ANO4: variants seen among roughly 807,000 people sequenced by gnomAD.
ANO4 encodes the protein anoctamin 4, also known as anoctamin-4.
ANO4 carries 69 observed loss-of-function variants against 141.9 expected under a neutral mutation model. The ratio of observed to expected loss-of-function variants is 0.49; its 90% confidence interval spans 0.40 to 0.59. The LOEUF is 0.59. Ranked by LOEUF, ANO4 falls within the 20% of genes least tolerant of loss-of-function variation. The pLI is 0.00. For missense variants in ANO4, 894 were observed against 1,162.2 expected (o/e 0.77, Z 3.36); for synonymous variants, 350 against 394.3 (o/e 0.89, Z 1.33).
At chr12:101,121,775 T>TA (rs2051105669) in intron 26 of ANO4, among the ~76,000 whole-genome samples, 1 of 147,030 alleles carries the variant, frequency 6.8e-6, no homozygotes, top group Non-Finnish European at 1.5e-5. Flanking sequence ...TTTTTTTTTT[T>TA]TTTTTAAGAC....
At chr12:101,052,417 G>C (rs1566179450) in intron 14 of ANO4, among the ~76,000 whole-genome samples, 1 of 152,166 alleles carries the variant, frequency 6.6e-6, no homozygotes, top group Non-Finnish European at 1.5e-5. Flanking sequence ...ACTAGATGTT[G>C]GCAGAGACCT....
intron 15 of ANO4, among the ~76,000 whole-genome samples, chr12:101,080,732 C>T (rs562043950): frequency 6.6e-6 from 1 of 151,710 alleles, no homozygotes; most frequent in South Asian, 2.1e-4. Context: ...GAGGCTGAGG[C>T]ACAAGAATTG....
intron 2 of ANO4, among the ~76,000 whole-genome samples, chr12:100,911,311 C>T (rs1000707460): frequency 1.3e-5 from 2 of 152,138 alleles, no homozygotes; most frequent in Admixed American, 1.3e-4. Flanking sequence ...TTCTTATTCT[C>T]TTATTTAATG....
intron 1 of ANO4, among the ~76,000 whole-genome samples, chr12:100,821,126 A>G (rs377400147): frequency 2.6e-5 from 4 of 152,136 alleles, no homozygotes; most frequent in South Asian, 2.1e-4. Context: ...CCTGGAGGTA[A>G]TTTTCACTGG....
chr12:100,744,710 C>A (rs572098900), intron 3 of ANO4, among the ~76,000 whole-genome samples: 131 of 152,308 alleles, frequency 8.6e-4, no homozygotes, highest in African/African-American at 3.1e-3. Flanking sequence ...AGCCAGCTGG[C>A]TAACTTATTA....
At chr12:101,037,553 A>T (rs2047248065) in intron 10 of ANO4, among the ~76,000 whole-genome samples, 1 of 152,218 alleles carries the variant, frequency 6.6e-6, no homozygotes, top group African/African-American at 2.4e-5. Flanking sequence ...CATCTTGAAA[A>T]GTCTCTGGTA....
intron 3 of ANO4, among the ~76,000 whole-genome samples, chr12:100,743,290 A>G (rs914295242): frequency 6.6e-6 from 1 of 150,824 alleles, no homozygotes; most frequent in African/African-American, 2.4e-5. Flanking sequence ...TATCTAAAAT[A>G]TTAGTACAAA....
rs368069375 is a variant in ANO4, at chr12:101,110,482, T to C, written c.2228T>C (p.Ile743Thr). 9 of 1,612,240 alleles carry C rather than the reference T, an allele frequency of 5.6e-6. No homozygotes were observed. In the South Asian group the frequency reaches 9.9e-5, roughly 18 times the overall value. Residue 743 changes from isoleucine (I) to threonine (T), a missense_variant, in exon 23 of 28, where the codon ATT (isoleucine) becomes ACT (threonine). Ile to Thr is a moderately conservative substitution (Grantham distance 89, BLOSUM62 -1). Transcript: ENST00000392977. ...APLLALLNNI[I>T]EIRLDAYKFV... ...CTTCTGGCCTTACTGAATAACATAA[T>C]TGAAATTCGACTTGATGCTTACAAA...
intron 1 of ANO4, among the ~76,000 whole-genome samples, chr12:100,819,339 T>C (rs1237193991): frequency 6.6e-6 from 1 of 151,852 alleles, no homozygotes; most frequent in Non-Finnish European, 1.5e-5. Context: ...GTCAGGTAGA[T>C]AGGTACCAGC....
intron 8 of ANO4, among the ~76,000 whole-genome samples, chr12:100,991,490 G>A (rs2045100621): frequency 7.0e-6 from 1 of 142,340 alleles, no homozygotes; most frequent in African/African-American, 2.7e-5. Flanking sequence ...AGGGGGTGAG[G>A]TGGGAGGAGG....
chr12:101,072,836 CTCA>C (rs2048870549), intron 14 of ANO4, among the ~76,000 whole-genome samples: 2 of 152,126 alleles, frequency 1.3e-5, no homozygotes, highest in Non-Finnish European at 2.9e-5. Context: ...TGAAGAAATG[CTCA>C]TCATCACTGG....
chr12:101,003,725 A>G (rs554889282), intron 8 of ANO4, among the ~76,000 whole-genome samples: 1 of 152,270 alleles, frequency 6.6e-6, no homozygotes, highest in South Asian at 2.1e-4. Context: ...GTATAGTAGG[A>G]TGACTAGAAT....
intron 14 of ANO4, among the ~76,000 whole-genome samples, chr12:101,072,788 A>T (rs1295043215): frequency 1.3e-5 from 2 of 152,156 alleles, no homozygotes; most frequent in East Asian, 3.8e-4. Flanking sequence ...ATGAATAGAC[A>T]CTCTCAAAAG....
At chr12:101,093,905 A>T (rs1484647784) in intron 17 of ANO4, among the ~76,000 whole-genome samples, 6 of 152,178 alleles carry the variant, frequency 3.9e-5, no homozygotes, top group Admixed American at 1.3e-4. Context: ...TACGTTCAAG[A>T]TGCAGAGGTT....
intron 3 of ANO4, among the ~76,000 whole-genome samples, chr12:100,745,420 G>T (rs1019188742): frequency 1.3e-5 from 2 of 152,066 alleles, no homozygotes; most frequent in Non-Finnish European, 2.9e-5. Context: ...TTTTCATATG[G>T]CTACCATAAT....
intron 1 of ANO4, among the ~76,000 whole-genome samples, chr12:100,856,256 C>CATGCACTGTAG (rs1167848020): frequency 6.6e-6 from 1 of 152,154 alleles, no homozygotes; most frequent in African/African-American, 2.4e-5. Context: ...TTGAGAAAAG[C>CATGCACTGTAG]ATGCACTGTA....
chr12:100,994,963 A>G (rs1592958703), intron 8 of ANO4, among the ~76,000 whole-genome samples: 1 of 152,146 alleles, frequency 6.6e-6, no homozygotes, highest in Admixed American at 6.5e-5. Flanking sequence ...GAGGCCAGGG[A>G]TGCTGCTGAA....
chr12:101,127,425 T>C (rs2051367670), intron 27 of ANO4, among the ~76,000 whole-genome samples: 1 of 152,094 alleles, frequency 6.6e-6, no homozygotes, highest in Non-Finnish European at 1.5e-5. Flanking sequence ...GCCCCTTCTT[T>C]CTAGGTGGGT....
chr12:100,859,392 G>T (rs976224777), intron 1 of ANO4: 1 of 152,132 alleles, frequency 6.6e-6, no homozygotes, highest in African/African-American at 2.4e-5. Context: ...CCCCATACCA[G>T]CTGACTCATA....
Sources: gnomAD v4.1 joint callset for allele counts (sites outside exome capture counted in the v4.1 genomes callset) on GRCh38, gnomAD v4.1.1 for gene constraint, MANE v1.5 for transcripts, NCBI Gene and HGNC (gene_info 2026-07-23, HGNC 2026-07-21) for gene names.